Variants in CSMD2 observed in about 807,000 individuals in gnomAD.
The protein encoded by CSMD2 is CUB and sushi domain-containing protein 2.
In CSMD2, 130 loss-of-function variants were observed where a neutral mutation model predicts 398.5. The ratio of observed to expected loss-of-function variants is 0.33; its 90% CI spans 0.28 to 0.38. The LOEUF is 0.38. Ranked by LOEUF, CSMD2 falls within the 10% of genes least tolerant of loss-of-function variation. CSMD2 has a pLI of 1.00. For missense variants in CSMD2, 3,829 were observed against 4,764.9 expected (o/e 0.80, Z 5.78); for synonymous variants, 1,828 against 1,908.5 (o/e 0.96, Z 1.10).
At chr1:34,081,576 G>A (rs553838465) in intron 2 of CSMD2, among the ~76,000 whole-genome samples, 89 of 152,230 alleles carry the variant, frequency 5.8e-4, no homozygotes, top group Non-Finnish European at 1.1e-3. Flanking sequence ...GCGCCGCCAC[G>A]CCTGACTGGT....
At chr1:33,828,605 T>C (rs572539817) in intron 6 of CSMD2, among the ~76,000 whole-genome samples, 5 of 152,148 alleles carry the variant, frequency 3.3e-5, no homozygotes, top group African/African-American at 1.2e-4. Context: ...GGATTTTCCA[T>C]GTAGGGGCTG....
intron 65 of CSMD2, 126 bp from the exon 66 acceptor site, chr1:33,525,169 G>A: frequency 1.0e-6 from 1 of 983,218 alleles, no homozygotes; most frequent in Non-Finnish European, 1.5e-6. Flanking sequence ...ACCATGTGAG[G>A]AAGGTGGTAG....
At chr1:33,707,961 G>T (rs190659086) in intron 22 of CSMD2, among the ~76,000 whole-genome samples, 26 of 152,224 alleles carry the variant, frequency 1.7e-4, no homozygotes, top group African/African-American at 5.5e-4. Flanking sequence ...ATTAGAAAAA[G>T]CTAAAAAAAT....
At chr1:33,989,565 A>G (rs1646478892) in intron 3 of CSMD2, among the ~76,000 whole-genome samples, 1 of 152,232 alleles carries the variant, frequency 6.6e-6, no homozygotes, top group Admixed American at 6.5e-5. Flanking sequence ...ACCCCAAACC[A>G]ATGACCCAAA....
chr1:33,980,376 A>G (rs1190769186), intron 3 of CSMD2, among the ~76,000 whole-genome samples: 1 of 152,116 alleles, frequency 6.6e-6, no homozygotes, highest in African/African-American at 2.4e-5. Flanking sequence ...TCTTTTCCTA[A>G]CAGGTTTCCT....
chr1:33,755,897 G>A (rs1302882096), intron 13 of CSMD2, among the ~76,000 whole-genome samples: 1 of 152,060 alleles, frequency 6.6e-6, no homozygotes. Context: ...TAGACACCTG[G>A]CTTGTACACA....
chr1:33,868,643 G>A (rs1640211730), intron 5 of CSMD2, among the ~76,000 whole-genome samples: 1 of 152,168 alleles, frequency 6.6e-6, no homozygotes, highest in African/African-American at 2.4e-5. Flanking sequence ...GGCTGAGGCA[G>A]GAGAATTGCT....
chr1:34,027,842 G>A (rs1412750664), intron 3 of CSMD2, among the ~76,000 whole-genome samples: 3 of 3,042 alleles, frequency 9.9e-4, no homozygotes, highest in African/African-American at 1.2e-3. Flanking sequence ...GGCTAGACCT[G>A]GGCAGACAGC....
At chr1:33,864,972 AAGGAG>A (rs1639904165) in intron 5 of CSMD2, among the ~76,000 whole-genome samples, 1 of 103,406 alleles carries the variant, frequency 9.7e-6, no homozygotes, top group Non-Finnish European at 2.0e-5. Flanking sequence ...AGGGAAGGGA[AAGGAG>A]GGGAATGGAG....
At chr1:33,929,431 A>ATTTTT (rs1243627294) in intron 4 of CSMD2, among the ~76,000 whole-genome samples, 1 of 94,018 alleles carries the variant, frequency 1.1e-5, no homozygotes, top group African/African-American at 5.4e-5. Flanking sequence ...CCAAGCCTAT[A>ATTTTT]CTTTTTTTTT....
intron 15 of CSMD2, among the ~76,000 whole-genome samples, chr1:33,735,052 T>C (rs187769891): frequency 2.6e-5 from 4 of 152,368 alleles, no homozygotes; most frequent in Admixed American, 2.0e-4. Flanking sequence ...TCCTTTTAAT[T>C]TTCTACGGGG....
At chr1:34,146,770 C>A (rs989874994) in intron 1 of CSMD2, among the ~76,000 whole-genome samples, 3 of 151,978 alleles carry the variant, frequency 2.0e-5, no homozygotes, top group African/African-American at 7.3e-5. Flanking sequence ...TAGAGGTGGG[C>A]CACAAAAGTT....
At chr1:33,649,252 G>C (rs997447334) in intron 28 of CSMD2, among the ~76,000 whole-genome samples, 1 of 152,194 alleles carries the variant, frequency 6.6e-6, no homozygotes, top group Non-Finnish European at 1.5e-5. Context: ...CATGGTCTGG[G>C]ATACTCAGAT....
chr1:33,683,760 C>G (rs1019218213), intron 25 of CSMD2, among the ~76,000 whole-genome samples: 2 of 152,200 alleles, frequency 1.3e-5, no homozygotes, highest in African/African-American at 4.8e-5. Flanking sequence ...CACATCCTCT[C>G]CTTCAAAAAA....
At chr1:33,738,545 A>G (rs868245171) in intron 15 of CSMD2, among the ~76,000 whole-genome samples, 4 of 152,024 alleles carry the variant, frequency 2.6e-5, no homozygotes, top group South Asian at 2.1e-4. Flanking sequence ...TGAGTCAAAA[A>G]CTGTCTTGTG....
intron 10 of CSMD2, among the ~76,000 whole-genome samples, chr1:33,797,412 A>G (rs1011237864): frequency 2.6e-5 from 4 of 152,218 alleles, no homozygotes; most frequent in South Asian, 2.1e-4. Flanking sequence ...GGTTCCCCCA[A>G]TACAGCACAA....
chr1:33,813,756 C>A (rs1332733266), intron 9 of CSMD2, among the ~76,000 whole-genome samples: 1 of 152,152 alleles, frequency 6.6e-6, no homozygotes, highest in Non-Finnish European at 1.5e-5. Context: ...ATCTTCTCTC[C>A]AAATCTGATT....
intron 1 of CSMD2, among the ~76,000 whole-genome samples, chr1:34,124,262 A>T (rs6696517): frequency 0.37 from 56,589 of 152,046 alleles, 11,437 homozygotes; most frequent in East Asian, 0.68. Context: ...TTGTTCTGTG[A>T]GCTGAGGATC....
intron 3 of CSMD2, among the ~76,000 whole-genome samples, chr1:34,027,154 A>T (rs1649751448): frequency 6.6e-6 from 1 of 152,236 alleles, no homozygotes; most frequent in African/African-American, 2.4e-5. Context: ...AATATCCTTA[A>T]TATGCAAAAA....
Sources: allele counts gnomAD v4.1 joint callset (sites outside exome capture counted in the v4.1 genomes callset), GRCh38; gene constraint gnomAD v4.1.1; transcripts MANE v1.5; gene names NCBI Gene and HGNC (gene_info 2026-07-23, HGNC 2026-07-21).